CUX2: variants seen among roughly 807,000 people sequenced by gnomAD.
The protein encoded by CUX2 is homeobox protein cut-like 2.
A neutral mutation model predicts 144.8 loss-of-function variants in CUX2; 40 were observed. The ratio of observed to expected loss-of-function variants is 0.28; its 90% CI spans 0.21 to 0.36. CUX2 has a LOEUF of 0.36. Ranked by LOEUF, CUX2 falls within the 10% of genes least tolerant of loss-of-function variation. CUX2 has a pLI of 1.00. For missense variants in CUX2, 1,615 were observed against 1,994.0 expected (o/e 0.81, Z 3.62); for synonymous variants, 827 against 875.6 (o/e 0.94, Z 0.98).
intron 3 of CUX2, among the ~76,000 whole-genome samples, chr12:111,228,365 G>A (rs940223863): frequency 7.2e-5 from 11 of 152,142 alleles, no homozygotes; most frequent in African/African-American, 2.7e-4. Flanking sequence ...CCTGCATATA[G>A]GAAAATCCGG....
Position 111,347,970 on chromosome 12 carries a change from C to A in CUX2, c.4106C>A (p.Ala1369Asp). The A allele has an allele frequency of 6.2e-7, 1 of 1,614,140 alleles. No individual in the cohort carries two copies. Among genetic ancestry groups the A allele is most frequent in the African/African-American group, 1.3e-5 (1 of 75,034 alleles). The change falls in exon 22 of 22, where the codon GCC becomes GAC. Residue 1369 changes from alanine (A) to aspartate (D), a missense_variant. Coordinates refer to ENST00000261726, the MANE Select transcript of CUX2 (RefSeq NM_015267.4). Reference protein sequence around the residue: ...PSLHPQQESEAGERLHPDPLS... With the variant: ...PSLHPQQESEDGERLHPDPLS... ...CTTCATCCCCAACAGGAGAGTGAGGCCGGGGAGCGACTTCACCCGGACCCT... is the reference window on the plus strand; with the variant it reads ...CTTCATCCCCAACAGGAGAGTGAGGACGGGGAGCGACTTCACCCGGACCCT...
chr12:111,054,248 G>A (rs1183978709), intron 1 of CUX2, among the ~76,000 whole-genome samples: 2 of 152,242 alleles, frequency 1.3e-5, no homozygotes, highest in Admixed American at 1.3e-4. Flanking sequence ...ACACAGGGCT[G>A]GGTTCTGGGG....
intron 1 of CUX2, among the ~76,000 whole-genome samples, chr12:111,183,638 A>T (rs1879330059): frequency 6.6e-6 from 1 of 152,200 alleles, no homozygotes; most frequent in South Asian, 2.1e-4. Flanking sequence ...TGGGCAAGTG[A>T]CTAAACCTCT....
chr12:111,194,309 C>T (rs903008304), intron 1 of CUX2, among the ~76,000 whole-genome samples: 2 of 152,188 alleles, frequency 1.3e-5, no homozygotes, highest in Non-Finnish European at 2.9e-5. Context: ...TAAATGGAAG[C>T]CGTCACTGTT....
intron 3 of CUX2, among the ~76,000 whole-genome samples, chr12:111,237,838 C>T (rs996873140): frequency 1.3e-5 from 2 of 152,224 alleles, no homozygotes; most frequent in Non-Finnish European, 2.9e-5. Context: ...TGCTCTTCCC[C>T]TGCCCCCGTT....
intron 1 of CUX2, among the ~76,000 whole-genome samples, chr12:111,090,792 A>G (rs756676106): frequency 7.2e-5 from 11 of 151,954 alleles, no homozygotes; most frequent in Non-Finnish European, 1.6e-4. Flanking sequence ...CCACCAACCC[A>G]TCAGCTGAAC....
chr12:111,289,742 T>A lies in CUX2; in HGVS notation c.302-1676T>A, dbSNP rs1278521035. Among the ~76,000 whole-genome samples, 1 of 151,380 alleles carries A rather than the reference T, an allele frequency of 6.6e-6. No homozygotes were observed. The highest frequency in any genetic ancestry group is 1.5e-5 in the Non-Finnish European group (1 of 67,860). On this transcript the variant is annotated intron_variant, in intron 4 of 21. Coordinates refer to ENST00000261726, the MANE Select transcript of CUX2 (RefSeq NM_015267.4). This position sits in a 1 kb window ranked among gnomAD's most constrained non-coding sequence, Gnocchi z 4.1. ...GATGTGTGTTTTGCCCCCGAAAAAG[T>A]CCTTAACCAACAACGTGTGTCACAA...
intron 1 of CUX2, among the ~76,000 whole-genome samples, chr12:111,191,481 G>A (rs7966855): frequency 0.041 from 6,294 of 152,002 alleles, 436 homozygotes; most frequent in African/African-American, 0.14. Context: ...ACAGGCACAC[G>A]CCACCACGCC....
chr12:111,086,517 G>A (rs1405746835), intron 1 of CUX2, among the ~76,000 whole-genome samples: 3 of 152,210 alleles, frequency 2.0e-5, no homozygotes, highest in African/African-American at 7.2e-5. Context: ...GGCCTTTAGT[G>A]AAGTGTGCAG....
chr12:111,152,410 A>G (rs892053243), intron 1 of CUX2, among the ~76,000 whole-genome samples: 1 of 152,214 alleles, frequency 6.6e-6, no homozygotes, highest in Non-Finnish European at 1.5e-5. Flanking sequence ...CTCTCAGGGC[A>G]AACTGGAGCG....
intron 1 of CUX2, among the ~76,000 whole-genome samples, chr12:111,209,431 C>CTATGTTCAATGTTTTGAGA (rs1384799847): frequency 2.0e-5 from 3 of 152,158 alleles, no homozygotes; most frequent in Admixed American, 2.0e-4. Context: ...TAACATTGAA[C>CTATGTTCAATGTTTTGAGA]TATGGAACTT....
chr12:111,320,411 C>T lies in CUX2; in HGVS notation c.2402C>T (p.Ala801Val), dbSNP rs1887462088. The T allele has an allele frequency of 1.3e-6, 2 of 1,597,826 alleles. No individual in the cohort carries two copies. Among genetic ancestry groups the T allele is most frequent in the Non-Finnish European group, 8.5e-7 (1 of 1,179,046 alleles). ...CGCGGCCTGCTCAGCCGCCCCTACG[C>T]CTCCGTGTCGCCCTCGCTGTCCTCC... is the stretch of plus-strand genomic sequence containing the variant. ...SDRGLLSRPY[A>V]SVSPSLSSSS... Residue 801 changes from alanine (A) to valine (V), a missense_variant, in exon 17 of 22, where the codon GCC (alanine) becomes GTC (valine). Ala to Val is a moderately conservative substitution (Grantham distance 64, BLOSUM62 0). Transcript: ENST00000261726. The surrounding 1 kb of genome is among the most constrained non-coding windows in gnomAD (Gnocchi z 8.1).
chr12:111,318,565 C>T (rs1405861227), intron 16 of CUX2, among the ~76,000 whole-genome samples: 2 of 150,274 alleles, frequency 1.3e-5, no homozygotes, highest in African/African-American at 4.9e-5. Context: ...TGCACTCCAG[C>T]CTGGGAAGCA....
intron 3 of CUX2, among the ~76,000 whole-genome samples, chr12:111,233,170 G>C (rs1448049753): frequency 6.6e-6 from 1 of 152,188 alleles, no homozygotes; most frequent in Non-Finnish European, 1.5e-5. Flanking sequence ...GCCAATGAGA[G>C]GTGGTCTGAG....
chr12:111,147,499 G>C (rs1876762598), intron 1 of CUX2, among the ~76,000 whole-genome samples: 1 of 152,202 alleles, frequency 6.6e-6, no homozygotes, highest in African/African-American at 2.4e-5. Flanking sequence ...CCCTGGCACA[G>C]TTCCAAGCTG....
intron 1 of CUX2, among the ~76,000 whole-genome samples, chr12:111,197,509 T>C (rs1467824958): frequency 6.6e-6 from 1 of 152,216 alleles, no homozygotes; most frequent in Non-Finnish European, 1.5e-5. Context: ...AATGAATAAA[T>C]GCGTACATGC....
In CUX2 at chr12:111,134,620, CTGTGTGTGTGTG is replaced by C. The variant is rs750270262; in HGVS notation, c.64-79562_64-79551del. 4.8e-3 allele frequency among the ~76,000 whole-genome samples: 680 copies of C among 142,196 alleles called. 3 individuals are homozygous for C. Among genetic ancestry groups the C allele is most frequent in the Middle Eastern group, 7.1e-3 (2 of 282 alleles). 93.3% of individuals were successfully genotyped at this position (142,196 alleles called of 152,430 possible). A position where few individuals can be genotyped will look rare whatever the true frequency, so the allele number is the denominator to read the frequency against. On this transcript the variant is annotated intron_variant, in intron 1 of 21. Coordinates refer to ENST00000261726, the MANE Select transcript of CUX2 (RefSeq NM_015267.4). ...TCTCTCTCTCTCTCTCTCTCTCTCT[CTGTGTGTGTGTG>C]TGTGTGTGTGTGTGTGTTTCTGCTG...
chr12:111,338,599 ATGAAATAGCAACC>A (rs1324688866), intron 20 of CUX2, 125 bp downstream of exon 20: 1 of 790,634 alleles, frequency 1.3e-6, no homozygotes, highest in East Asian at 2.6e-5. Flanking sequence ...ATGGGACTGC[ATGAAATAGCAACC>A]TTGAAAAACA....
chr12:111,343,012 T>C (rs188266047), intron 21 of CUX2, among the ~76,000 whole-genome samples: 47 of 150,102 alleles, frequency 3.1e-4, no homozygotes, highest in African/African-American at 1.0e-3. Flanking sequence ...GGTATTGATA[T>C]GATTATTGTC....
Sources: allele counts gnomAD v4.1 joint callset (sites outside exome capture counted in the v4.1 genomes callset), GRCh38; gene constraint gnomAD v4.1.1; non-coding constraint Gnocchi (gnomAD v3.1); transcripts MANE v1.5; gene names NCBI Gene and HGNC (gene_info 2026-07-23, HGNC 2026-07-21).